The following MRE11 variants were observed in gnomAD, a reference collection of about 807,000 sequenced individuals.
The protein encoded by MRE11 is MRE11 double strand break repair nuclease.
Under a neutral mutation model 91.7 loss-of-function variants are expected in MRE11, and 62 were observed. The observed-to-expected ratio is 0.68, with a 90% confidence interval of 0.55 to 0.84. The LOEUF is 0.84. Ranked by LOEUF, MRE11 falls within the 40% of genes least tolerant of loss-of-function variation. MRE11 has a pLI of 0.00. For missense variants in MRE11, 796 were observed against 852.9 expected (o/e 0.93, Z 0.83); for synonymous variants, 273 against 271.4 (o/e 1.01, Z -0.06).
Position 94,470,615 on chromosome 11 carries a change from C to G in MRE11, c.873G>C (p.Gly291=). The G allele has an allele frequency of 6.2e-7, 1 of 1,613,066 alleles. No individual in the cohort carries two copies. The highest frequency in any genetic ancestry group is 2.2e-5 in the East Asian group (1 of 44,822). Reference sequence around the variant, plus strand: ...GAATTTTATGCATATTCATCTTCCTCCCTTTAATACGCAGCAAACCAACAT... The same window carrying G: ...GAATTTTATGCATATTCATCTTCCTGCCTTTAATACGCAGCAAACCAACAT... ...KKHVGLLRIK[G]RKMNMHKIPL... Residue 291 remains glycine (G), a synonymous_variant, in exon 9 of 20, where the codon GGG becomes GGC. Coordinates refer to ENST00000323929, the MANE Select transcript of MRE11 (RefSeq NM_005591.4).
At chr11:94,471,045 T>A (rs987857214) in intron 8 of MRE11, among the ~76,000 whole-genome samples, 1 of 152,026 alleles carries the variant, frequency 6.6e-6, no homozygotes, top group Non-Finnish European at 1.5e-5. Flanking sequence ...CCAACCAACA[T>A]AGATTCTACT....
intron 14 of MRE11, among the ~76,000 whole-genome samples, chr11:94,448,039 A>AAG (rs1344875766): frequency 6.6e-6 from 1 of 152,234 alleles, no homozygotes; most frequent in East Asian, 1.9e-4. Context: ...ATCATCCCTA[A>AAG]TTCAATGCCA....
upstream of MRE11, among the ~76,000 whole-genome samples, chr11:94,495,103 A>T (rs472344): frequency 0.51 from 77,813 of 151,964 alleles, 20,493 homozygotes; most frequent in African/African-American, 0.63. Flanking sequence ...AAGTAACAGG[A>T]CCAGAAAAGT....
intron 16 of MRE11, among the ~76,000 whole-genome samples, chr11:94,440,530 C>T (rs929518069): frequency 2.0e-5 from 3 of 152,064 alleles, no homozygotes; most frequent in Non-Finnish European, 4.4e-5. Context: ...GAGAGGTAAG[C>T]AGAGTCCTTT....
At chr11:94,431,199 T>C (rs999608464) in intron 18 of MRE11, among the ~76,000 whole-genome samples, 6 of 152,202 alleles carry the variant, frequency 3.9e-5, no homozygotes, top group Admixed American at 6.5e-5. Flanking sequence ...CAGAAGTAAA[T>C]AGAAAAATTC....
intron 18 of MRE11, among the ~76,000 whole-genome samples, chr11:94,430,894 A>G (rs143535312): frequency 1.3e-5 from 2 of 152,020 alleles, no homozygotes; most frequent in Admixed American, 1.3e-4. Flanking sequence ...TGTTTTTTTT[A>G]TGGCCTATAA....
chr11:94,501,430 A>G, the MRE11 span, among the ~76,000 whole-genome samples: 20 of 152,360 alleles, frequency 1.3e-4, no homozygotes, highest in Non-Finnish European at 2.6e-4. Flanking sequence ...GAAAATCGTA[A>G]GAGCCATATT....
intron 4 of MRE11, among the ~76,000 whole-genome samples, chr11:94,480,609 T>C (rs551403457): frequency 3.9e-5 from 6 of 152,352 alleles, no homozygotes; most frequent in Middle Eastern, 3.4e-3. Flanking sequence ...TGGAAGGGAA[T>C]TGTTAGGTCA....
At chr11:94,438,063 G>A (rs914301459) in intron 16 of MRE11, among the ~76,000 whole-genome samples, 1 of 152,182 alleles carries the variant, frequency 6.6e-6, no homozygotes, top group African/African-American at 2.4e-5. Context: ...AGGAGGCAGA[G>A]GTTGCAGTGA....
chr11:94,463,695 C>G (rs903674812), intron 11 of MRE11, among the ~76,000 whole-genome samples: 2 of 151,774 alleles, frequency 1.3e-5, no homozygotes, highest in Non-Finnish European at 2.9e-5. Flanking sequence ...AAAACCGAAC[C>G]CCGCATATTC....
In MRE11 at chr11:94,416,861, A is replaced by G. The variant is rs1425066800; in HGVS notation, c.*3264T>C. 1 of 151,908 alleles carries G rather than the reference A, an allele frequency of 6.6e-6. No individual in the cohort carries two copies. The highest frequency in any genetic ancestry group is 1.5e-5 in the Non-Finnish European group (1 of 67,976). The allele number at this position is 151,908 out of a possible 1,614,324, so 9.4% of individuals were successfully genotyped here. Reference sequence around the variant, plus strand: ...CTCCGTCTCAAAAAAAAAAAACAAAAAAAACCCAAAATACTATGAATTAAA... The same window carrying G: ...CTCCGTCTCAAAAAAAAAAAACAAAGAAAACCCAAAATACTATGAATTAAA... On this transcript the variant is annotated 3_prime_UTR_variant, in exon 20 of 20. Coordinates refer to ENST00000323929, the MANE Select transcript of MRE11 (RefSeq NM_005591.4).
Position 94,416,783 on chromosome 11 carries a change from T to C in MRE11, c.*3342A>G, listed in dbSNP as rs552232898. On this transcript the variant is annotated 3_prime_UTR_variant, in exon 20 of 20. Coordinates refer to ENST00000323929, the MANE Select transcript of MRE11 (RefSeq NM_005591.4). ...TGAGGCAGGAGAATGGCGTGGAGCT[T>C]GCAGTGAGCCGAAATGGTGCCCCTG... 6.7e-6 allele frequency: 1 copy of C among 149,328 alleles called. No homozygotes were observed. The highest frequency in any genetic ancestry group is 6.7e-5 in the Admixed American group (1 of 15,004). 9.3% of individuals were successfully genotyped at this position (149,328 alleles called of 1,614,324 possible). A position where few individuals can be genotyped will look rare whatever the true frequency, so the allele number is the denominator to read the frequency against.
chr11:94,419,406 A>G lies in MRE11; in HGVS notation c.*719T>C, dbSNP rs1945104856. ...TCCTCCTAGAACTAGGCACGCATAT[A>G]TGTATGAAAGAGAAGAAAAAGCAAA... On this transcript the variant is annotated 3_prime_UTR_variant, in exon 20 of 20. Transcript: ENST00000323929. The G allele has an allele frequency of 4.3e-6, 1 of 231,762 alleles. No individual in the cohort carries two copies. Among genetic ancestry groups the G allele is most frequent in the Non-Finnish European group, 8.5e-6 (1 of 117,448 alleles). The allele number at this position is 231,762 out of a possible 1,614,324, so 14.4% of individuals were successfully genotyped here. A position where few individuals can be genotyped will look rare whatever the true frequency, so the allele number is the denominator to read the frequency against.
intron 13 of MRE11, among the ~76,000 whole-genome samples, chr11:94,458,844 C>G (rs1465563804): frequency 6.6e-6 from 1 of 152,030 alleles, no homozygotes; most frequent in East Asian, 1.9e-4. Context: ...GTCCTTTGTT[C>G]ATTATTCTAT....
rs375780422 is a variant in MRE11, at chr11:94,476,256, C to T, written c.659+33G>A. ...GAAACAGATTTGGGAAGCCTCAGCACTTGGCTCAAACTTTTTCAGAGAAAA... is the reference window on the plus strand; with the variant it reads ...GAAACAGATTTGGGAAGCCTCAGCATTTGGCTCAAACTTTTTCAGAGAAAA... On this transcript the variant is annotated intron_variant, in intron 7 of 19. Coordinates refer to ENST00000323929, the MANE Select transcript of MRE11 (RefSeq NM_005591.4). 100 of 1,453,990 alleles carry T rather than the reference C, an allele frequency of 6.9e-5. No individual in the cohort carries two copies. In the African/African-American group the frequency reaches 1.4e-3, roughly 20 times the overall value. The allele number at this position is 1,453,990 out of a possible 1,614,324, so 90.1% of individuals were successfully genotyped here.
chr11:94,492,280 G>A (rs1440428434), intron 2 of MRE11, among the ~76,000 whole-genome samples: 4 of 152,264 alleles, frequency 2.6e-5, no homozygotes, highest in South Asian at 4.1e-4. Context: ...TAGAGACGGG[G>A]TTTCACCATG....
chr11:94,511,512 T>C, the MRE11 span, among the ~76,000 whole-genome samples: 4 of 152,184 alleles, frequency 2.6e-5, no homozygotes, highest in Non-Finnish European at 5.9e-5. Context: ...AATGGGAGTA[T>C]AAAGGAGCAA....
At chr11:94,449,486 C>T (rs557067643) in intron 14 of MRE11, among the ~76,000 whole-genome samples, 53 of 152,296 alleles carry the variant, frequency 3.5e-4, no homozygotes, top group African/African-American at 6.7e-4. Context: ...TTTATGGAGA[C>T]GCAGAGTGGT....
At chr11:94,421,623 G>A (rs770602405) in intron 19 of MRE11, among the ~76,000 whole-genome samples, 4 of 152,198 alleles carry the variant, frequency 2.6e-5, no homozygotes, top group Non-Finnish European at 5.9e-5. Context: ...TAGGTAGAAT[G>A]AGCTCTTGCT....
Sources: gnomAD v4.1 joint callset for allele counts (sites outside exome capture counted in the v4.1 genomes callset) on GRCh38, gnomAD v4.1.1 for gene constraint, MANE v1.5 for transcripts, NCBI Gene and HGNC (gene_info 2026-07-23, HGNC 2026-07-21) for gene names.